Variants in MEF2A observed in about 807,000 individuals in gnomAD.
MEF2A encodes the protein myocyte enhancer factor 2A, also known as myocyte-specific enhancer factor 2A.
MEF2A carries 28 observed loss-of-function variants against 55.8 expected under a neutral mutation model. The ratio of observed to expected loss-of-function variants is 0.50; its 90% CI spans 0.37 to 0.69. The LOEUF (loss-of-function observed/expected upper bound fraction) is 0.69, where lower values mean the gene tolerates loss of function less well. MEF2A is among the 30% of genes least tolerant of loss of function. The probability of loss-of-function intolerance (pLI) is 0.00; values close to 1 mark genes in which losing one functional copy is unlikely to be tolerated. For synonymous variants in MEF2A, 239 were observed against 227.1 expected, an observed-to-expected ratio of 1.05 and a Z score of -0.47; for missense variants, 528 against 626.2, an observed-to-expected ratio of 0.84 and a Z score of 1.67.
intron 10 of MEF2A, among the ~76,000 whole-genome samples, chr15:99,707,696 A>G (rs1054379906): frequency 1.3e-5 from 2 of 152,186 alleles, no homozygotes; most frequent in African/African-American, 2.4e-5. Context: ...CAGTAGTTCA[A>G]TTCTCCCTTG....
chr15:99,624,553 G>A (rs955204022), intron 2 of MEF2A, among the ~76,000 whole-genome samples: 4 of 152,156 alleles, frequency 2.6e-5, no homozygotes, highest in East Asian at 1.9e-4. Context: ...CTTTATGCCA[G>A]TACCACACTG....
At chr15:99,681,199 C>G (rs2053184486) in intron 7 of MEF2A, among the ~76,000 whole-genome samples, 1 of 152,126 alleles carries the variant, frequency 6.6e-6, no homozygotes, top group African/African-American at 2.4e-5. Flanking sequence ...TAGAAAGGCT[C>G]AAGATGCTCT....
intron 1 of MEF2A, among the ~76,000 whole-genome samples, chr15:99,597,390 G>A (rs1005819578): frequency 3.3e-5 from 5 of 151,992 alleles, no homozygotes; most frequent in East Asian, 1.9e-4. Context: ...GGAAATTCCC[G>A]CCTAATAAAT....
At chr15:99,577,682 T>A (rs958166863) in intron 1 of MEF2A, among the ~76,000 whole-genome samples, 12 of 152,226 alleles carry the variant, frequency 7.9e-5, no homozygotes. Flanking sequence ...ATGGTGTTTA[T>A]CTGTTCTAAG....
intron 8 of MEF2A, among the ~76,000 whole-genome samples, chr15:99,699,507 A>T (rs2057042022): frequency 6.6e-6 from 1 of 152,094 alleles, no homozygotes; most frequent in Non-Finnish European, 1.5e-5. Flanking sequence ...AACTCATGAA[A>T]CTGTACCTAC....
chr15:99,632,915 A>G (rs2043171120), intron 2 of MEF2A, 63 bp from the exon 3 acceptor site: 5 of 464,226 alleles, frequency 1.1e-5, no homozygotes, highest in South Asian at 3.5e-5. Context: ...TGAAATTTGT[A>G]TAACACTTAC....
At chr15:99,566,919 C>G (rs573031826) in intron 1 of MEF2A, among the ~76,000 whole-genome samples, 1 of 152,228 alleles carries the variant, frequency 6.6e-6, no homozygotes. Context: ...GGCTAGATCC[C>G]AGCTCGCAGA....
rs2051569283 is a variant in MEF2A at position 99,674,671 on chromosome 15, C to T, written c.610+59C>T. The T allele has an allele frequency of 3.7e-6, 5 of 1,358,960 alleles. No homozygotes were observed. The African/African-American group carries it at 4.3e-5, about 12-fold the overall frequency. 84.2% of individuals were successfully genotyped at this position (1,358,960 alleles called of 1,614,324 possible). A position where few individuals can be genotyped will look rare whatever the true frequency, so the allele number is the denominator to read the frequency against. On this transcript the variant is annotated intron_variant, in intron 6 of 11. Coordinates refer to ENST00000557942, the MANE Select transcript of MEF2A (RefSeq NM_001319206.4). Reference sequence around the variant, plus strand: ...ATAAAGAGGGTGAAAAAATTCATTGCTAACATAAGCAGTTTCTTATTTTGC... The same window carrying T: ...ATAAAGAGGGTGAAAAAATTCATTGTTAACATAAGCAGTTTCTTATTTTGC...
intron 4 of MEF2A, among the ~76,000 whole-genome samples, chr15:99,652,084 T>C (rs1212372046): frequency 6.6e-6 from 1 of 152,152 alleles, no homozygotes; most frequent in Non-Finnish European, 1.5e-5. Flanking sequence ...TTTTGACCAA[T>C]AAGAAGAGGA....
intron 1 of MEF2A, among the ~76,000 whole-genome samples, chr15:99,568,210 G>A (rs1960586234): frequency 6.6e-6 from 1 of 152,158 alleles, no homozygotes. Flanking sequence ...TCAGTGGAAG[G>A]AAAATAGCTT....
intron 1 of MEF2A, among the ~76,000 whole-genome samples, chr15:99,584,305 A>G (rs988567544): frequency 2.0e-5 from 3 of 152,168 alleles, no homozygotes; most frequent in Non-Finnish European, 4.4e-5. Flanking sequence ...GAAAATCTGA[A>G]GACACTCTTA....
At chr15:99,702,696 A>G (rs1237335693) in intron 8 of MEF2A, among the ~76,000 whole-genome samples, 7 of 152,206 alleles carry the variant, frequency 4.6e-5, no homozygotes, top group South Asian at 4.2e-4. Context: ...TTTTCTTTAC[A>G]TGACTTATGA....
rs2050339658 is a variant in MEF2A at position 99,668,972 on chromosome 15, TTC to T, written c.259-2346_259-2345del. Among the ~76,000 whole-genome samples the T allele has an allele frequency of 3.9e-5, 6 of 152,292 alleles. No homozygotes were observed. In the South Asian group the frequency reaches 1.2e-3, roughly 32 times the overall value. On this transcript the variant is annotated intron_variant, in intron 4 of 11. Transcript: ENST00000557942. ...TACAAAGCTGATAGAGCCTCTTAAA[TTC>T]TCTCATGGTGACAGAAACCCCATCT... is the stretch of plus-strand genomic sequence containing the variant.
chr15:99,680,879 AT>A (rs2153675556), intron 7 of MEF2A, among the ~76,000 whole-genome samples: 1 of 152,276 alleles, frequency 6.6e-6, no homozygotes, highest in East Asian at 1.9e-4. Flanking sequence ...AAATTAGAAT[AT>A]TTCTTTATTT....
chr15:99,646,226 C>G (rs1474412882), intron 4 of MEF2A, among the ~76,000 whole-genome samples: 1 of 152,078 alleles, frequency 6.6e-6, no homozygotes, highest in Non-Finnish European at 1.5e-5. Context: ...AGAAAGTCCT[C>G]ATTTTCTTTG....
At chr15:99,619,269 A>C (rs769843072) in intron 2 of MEF2A, among the ~76,000 whole-genome samples, 105 of 152,300 alleles carry the variant, frequency 6.9e-4, no homozygotes, top group Non-Finnish European at 1.3e-3. Context: ...ATTGCGCCTC[A>C]GACTAGCTGC....
intron 4 of MEF2A, chr15:99,657,573 C>T: frequency 6.6e-6 from 1 of 152,076 alleles, no homozygotes. Flanking sequence ...ATTTAAAGTT[C>T]TAACCACCCT....
At chr15:99,698,566 G>T (rs2056864502) in intron 8 of MEF2A, among the ~76,000 whole-genome samples, 3 of 152,154 alleles carry the variant, frequency 2.0e-5, no homozygotes, top group Non-Finnish European at 4.4e-5. Context: ...GCTGAGGCAG[G>T]CAGATAACCT....
intron 4 of MEF2A, among the ~76,000 whole-genome samples, chr15:99,658,673 C>T (rs987678261): frequency 5.3e-5 from 8 of 151,354 alleles, no homozygotes; most frequent in East Asian, 1.9e-4. Flanking sequence ...ACAAGAAAGA[C>T]GTAAAGAAAC....
Sources: allele counts gnomAD v4.1 joint callset (sites outside exome capture counted in the v4.1 genomes callset), GRCh38; gene constraint gnomAD v4.1.1; transcripts MANE v1.5; gene names NCBI Gene and HGNC (gene_info 2026-07-23, HGNC 2026-07-21).